The following SLC17A8 variants were observed in gnomAD, a reference collection of about 807,000 sequenced individuals.
SLC17A8 encodes the protein solute carrier family 17 member 8, also known as vesicular glutamate transporter 3.
In SLC17A8, 31 loss-of-function variants were observed where a neutral mutation model predicts 58.0. The observed-to-expected ratio is 0.53, with a 90% CI of 0.40 to 0.72. The LOEUF (loss-of-function observed/expected upper bound fraction) is 0.72, where lower values mean the gene tolerates loss of function less well. SLC17A8 is among the 30% of genes least tolerant of loss of function. SLC17A8 has a pLI of 0.00. For synonymous variants in SLC17A8, 228 were observed against 249.0 expected (o/e 0.92, Z 0.79); for missense variants, 655 against 727.8 (o/e 0.90, Z 1.15).
rs534817711 is a variant in SLC17A8 at position 100,363,528 on chromosome 12, G to A, written c.101+6036G>A. On this transcript the variant is annotated intron_variant, in intron 1 of 11. Coordinates refer to ENST00000323346, the MANE Select transcript of SLC17A8 (RefSeq NM_139319.3). Reference sequence around the variant, plus strand: ...ATTACGGGCACCCACCACCATGCCCGGCTAATTTTGTATTTTTAGTAGAGA... The same window carrying A: ...ATTACGGGCACCCACCACCATGCCCAGCTAATTTTGTATTTTTAGTAGAGA... Among the ~76,000 whole-genome samples the A allele has an allele frequency of 7.2e-5, 11 of 152,070 alleles. No individual in the cohort carries two copies. The South Asian group carries it at 1.0e-3, about 14-fold the overall frequency.
At chr12:100,400,710 C>T (rs1952784915) in intron 5 of SLC17A8, among the ~76,000 whole-genome samples, 1 of 152,024 alleles carries the variant, frequency 6.6e-6, no homozygotes, top group African/African-American at 2.4e-5. Context: ...CATTCACAGC[C>T]CAGGGGGAGT....
At chr12:100,368,086 A>T (rs1229914542) in intron 1 of SLC17A8, among the ~76,000 whole-genome samples, 1 of 152,178 alleles carries the variant, frequency 6.6e-6, no homozygotes, top group East Asian at 1.9e-4. Flanking sequence ...CCCCTTTATT[A>T]GTTTCCTAGG....
rs1366054820 is a variant in SLC17A8 at position 100,391,041 on chromosome 12, T to A, written c.395T>A (p.Ile132Asn). The A allele has an allele frequency of 6.2e-7, 1 of 1,613,924 alleles. No individual in the cohort carries two copies. The highest frequency in any genetic ancestry group is 1.7e-5 in the Admixed American group (1 of 60,026). ...FNWDPETVGL[I>N]HGSFFWGYIM... Reference sequence around the variant, plus strand: ...TGGGATCCAGAAACAGTGGGCCTTATCCATGGATCTTTTTTCTGGGGCTAT... The same window carrying A: ...TGGGATCCAGAAACAGTGGGCCTTAACCATGGATCTTTTTTCTGGGGCTAT... The change falls in exon 3 of 12, where the codon ATC (isoleucine) becomes AAC (asparagine). Residue 132 changes from isoleucine (I) to asparagine (N), a missense_variant. Coordinates refer to ENST00000323346, the MANE Select transcript of SLC17A8 (RefSeq NM_139319.3).
Position 100,357,210 on chromosome 12 carries a change from G to A in SLC17A8, c.-182G>A. 1.6e-6 allele frequency: 1 copy of A among 611,166 alleles called. No individual in the cohort carries two copies. Among genetic ancestry groups the A allele is most frequent in the Non-Finnish European group, 3.0e-6 (1 of 337,256 alleles). The allele number at this position is 611,166 out of a possible 1,614,324, so 37.9% of individuals were successfully genotyped here. ...TGGGGAGCAGAGAGAGGAGGGAGTT[G>A]TCTTATCTTGGAAGATCCGAGCTGG... On this transcript the variant is annotated 5_prime_UTR_variant, in exon 1 of 12. Coordinates refer to ENST00000323346, the MANE Select transcript of SLC17A8 (RefSeq NM_139319.3).
Position 100,390,161 on chromosome 12 carries a change from C to T in SLC17A8, c.355-840C>T, listed in dbSNP as rs530848717. On this transcript the variant is annotated intron_variant, in intron 2 of 11. Coordinates refer to ENST00000323346, the MANE Select transcript of SLC17A8 (RefSeq NM_139319.3). ...TTGATTTTTTGTAGAGATGGGGTCT[C>T]GCCACGTTGCCCAGGCTGGTCTTGA... Among the ~76,000 whole-genome samples the T allele has an allele frequency of 2.0e-3, 308 of 151,982 alleles. 1 individual carries two copies. Among genetic ancestry groups the T allele is most frequent in the African/African-American group, 6.5e-3 (269 of 41,452 alleles).
chr12:100,402,224 C>A, intron 6 of SLC17A8, 116 bp from the exon 7 acceptor site: 1 of 1,169,684 alleles, frequency 8.5e-7, no homozygotes, highest in Non-Finnish European at 1.2e-6. Context: ...AACCTTGTTA[C>A]AACATTGGTA....
intron 9 of SLC17A8, among the ~76,000 whole-genome samples, chr12:100,410,222 G>A (rs1354556177): frequency 1.7e-4 from 26 of 152,168 alleles, no homozygotes; most frequent in East Asian, 1.9e-4. Context: ...TAGACTGGGC[G>A]TGGTGGCTCA....
At chr12:100,385,233 A>ATTTTTT (rs397850732) in intron 2 of SLC17A8, among the ~76,000 whole-genome samples, 2 of 106,694 alleles carry the variant, frequency 1.9e-5, no homozygotes, top group Admixed American at 1.2e-4. Flanking sequence ...TGTCTTAAAC[A>ATTTTTT]TTTTTTTTTT....
intron 1 of SLC17A8, among the ~76,000 whole-genome samples, chr12:100,377,868 G>T (rs940128860): frequency 6.6e-6 from 1 of 152,168 alleles, no homozygotes; most frequent in African/African-American, 2.4e-5. Flanking sequence ...GATTACAGGC[G>T]TGAGCCACCG....
intron 2 of SLC17A8, among the ~76,000 whole-genome samples, chr12:100,381,390 G>T (rs987355271): frequency 6.6e-6 from 1 of 151,968 alleles, no homozygotes; most frequent in Non-Finnish European, 1.5e-5. Flanking sequence ...GTTTGAGGGG[G>T]TAGGTGCCAC....
At position 100,357,381 on chromosome 12, in the gene SLC17A8, C is replaced by G; in HGVS notation, c.-11C>G. 6.8e-7 allele frequency: 1 copy of G among 1,468,288 alleles called. No homozygotes were observed. The highest frequency in any genetic ancestry group is 1.1e-5 in the South Asian group (1 of 88,132). The allele number at this position is 1,468,288 out of a possible 1,614,324, so 91.0% of individuals were successfully genotyped here. The stretch of plus-strand genomic sequence containing the variant: ...TGACTGTTAACGGCTCAGAGGTGCC[C>G]CTCATTCAAAATGCCTTTTAAAGCA... On this transcript the variant is annotated 5_prime_UTR_variant, in exon 1 of 12. Coordinates refer to ENST00000323346, the MANE Select transcript of SLC17A8 (RefSeq NM_139319.3).
intron 9 of SLC17A8, among the ~76,000 whole-genome samples, chr12:100,411,714 AG>A (rs1952869012): frequency 6.6e-6 from 1 of 152,058 alleles, no homozygotes; most frequent in Non-Finnish European, 1.5e-5. Flanking sequence ...TTTTCGGGTG[AG>A]AAGGAACTTC....
At chr12:100,363,612 C>T (rs781390084) in intron 1 of SLC17A8, among the ~76,000 whole-genome samples, 1 of 152,028 alleles carries the variant, frequency 6.6e-6, no homozygotes, top group Non-Finnish European at 1.5e-5. Flanking sequence ...ATGATCCACC[C>T]GCCTTGGCCT....
chr12:100,413,266 G>T (rs982825989), intron 10 of SLC17A8, among the ~76,000 whole-genome samples: 1 of 152,136 alleles, frequency 6.6e-6, no homozygotes, highest in African/African-American at 2.4e-5. Flanking sequence ...AGAGAACTGC[G>T]AGTGTCATTA....
At chr12:100,389,606 T>C (rs78438721) in intron 2 of SLC17A8, among the ~76,000 whole-genome samples, 2,960 of 150,894 alleles carry the variant, frequency 0.02, 95 homozygotes, top group African/African-American at 0.067. Flanking sequence ...ATATTATATA[T>C]ATATAGAGAG....
At chr12:100,374,785 C>T (rs559264095) in intron 1 of SLC17A8, among the ~76,000 whole-genome samples, 17 of 152,150 alleles carry the variant, frequency 1.1e-4, no homozygotes, top group Non-Finnish European at 1.9e-4. Context: ...CTCCTGAGCC[C>T]ATGATCCCTT....
intron 1 of SLC17A8, among the ~76,000 whole-genome samples, chr12:100,377,585 A>ATTTTTTTTTTTTTTTTTTTTTTT (rs35397911): frequency 1.2e-5 from 1 of 84,034 alleles, no homozygotes. Context: ...ATATATATAT[A>ATTTTTTTTTTTTTTTTTTTTTTT]TTTTTTTTTT....
intron 11 of SLC17A8, among the ~76,000 whole-genome samples, chr12:100,418,652 G>A (rs1952924507): frequency 6.6e-6 from 1 of 152,212 alleles, no homozygotes; most frequent in South Asian, 2.1e-4. Flanking sequence ...AGACAAGGGT[G>A]GATGGTAGAG....
intron 1 of SLC17A8, among the ~76,000 whole-genome samples, chr12:100,358,939 C>T (rs1435252001): frequency 6.6e-6 from 1 of 152,056 alleles, no homozygotes; most frequent in Non-Finnish European, 1.5e-5. Context: ...GCCAGAAGTT[C>T]GAGACTAGCC....
Sources: gnomAD v4.1 joint callset for allele counts (sites outside exome capture counted in the v4.1 genomes callset) on GRCh38, gnomAD v4.1.1 for gene constraint, MANE v1.5 for transcripts, NCBI Gene and HGNC (gene_info 2026-07-23, HGNC 2026-07-21) for gene names.